The following GSK3B variants were observed in gnomAD, a reference collection of about 807,000 sequenced individuals.
The protein encoded by GSK3B is glycogen synthase kinase 3 beta.
GSK3B carries 15 observed loss-of-function variants against 56.4 expected under a neutral mutation model. The observed-to-expected ratio is 0.27, with a 90% CI of 0.18 to 0.41. The LOEUF is 0.41. GSK3B is among the 10% of genes least tolerant of loss of function. GSK3B has a pLI of 1.00. For synonymous variants in GSK3B, 181 were observed against 188.9 expected (o/e 0.96, Z 0.34); for missense variants, 300 against 513.4 (o/e 0.58, Z 4.02).
chr3:120,008,713 T>C (rs559155131), intron 1 of GSK3B, among the ~76,000 whole-genome samples: 1 of 152,276 alleles, frequency 6.6e-6, no homozygotes, highest in South Asian at 2.1e-4. Flanking sequence ...CAACTCAAGA[T>C]GGATCAAAGA....
At chr3:120,051,789 A>C (rs1483019611) in intron 1 of GSK3B, among the ~76,000 whole-genome samples, 2 of 151,570 alleles carry the variant, frequency 1.3e-5, no homozygotes, top group African/African-American at 4.8e-5. Flanking sequence ...AAAAGATATG[A>C]GTAATTTGGT....
intron 7 of GSK3B, among the ~76,000 whole-genome samples, chr3:119,888,292 A>G (rs1271108803): frequency 6.6e-6 from 1 of 152,184 alleles, no homozygotes. Flanking sequence ...GAGCCACGGC[A>G]GAGGAACATA....
intron 10 of GSK3B, among the ~76,000 whole-genome samples, chr3:119,829,096 T>C (rs2055561439): frequency 6.6e-6 from 1 of 152,246 alleles, no homozygotes; most frequent in African/African-American, 2.4e-5. Context: ...TCGTGACTCC[T>C]GACCTTCCTT....
chr3:119,833,372 T>C (rs1431245501), intron 10 of GSK3B, among the ~76,000 whole-genome samples: 1 of 152,162 alleles, frequency 6.6e-6, no homozygotes, highest in Non-Finnish European at 1.5e-5. Flanking sequence ...TGTGTGTCTA[T>C]AAAAAATTAA....
chr3:120,021,158 C>G (rs926155714), intron 1 of GSK3B, among the ~76,000 whole-genome samples: 1 of 152,078 alleles, frequency 6.6e-6, no homozygotes, highest in Non-Finnish European at 1.5e-5. Flanking sequence ...GAAGATTTAG[C>G]TAAGACCACT....
intron 3 of GSK3B, among the ~76,000 whole-genome samples, chr3:119,944,634 C>A (rs1252476266): frequency 6.6e-6 from 1 of 152,108 alleles, no homozygotes; most frequent in Non-Finnish European, 1.5e-5. Context: ...TGGCTACACG[C>A]CCTCTTTATC....
At chr3:120,077,480 G>T (rs1192266380) in intron 1 of GSK3B, among the ~76,000 whole-genome samples, 1 of 152,206 alleles carries the variant, frequency 6.6e-6, no homozygotes, top group East Asian at 1.9e-4. Context: ...GTTAGCAGAG[G>T]TTGAGCAGGG....
At chr3:119,945,555 T>C (rs1414558059) in intron 3 of GSK3B, among the ~76,000 whole-genome samples, 1 of 152,182 alleles carries the variant, frequency 6.6e-6, no homozygotes, top group Non-Finnish European at 1.5e-5. Context: ...AAGAGCTGAC[T>C]ATGACAGGAG....
intron 7 of GSK3B, among the ~76,000 whole-genome samples, chr3:119,887,231 A>G (rs16830594): frequency 0.11 from 16,617 of 152,148 alleles, 1,191 homozygotes; most frequent in East Asian, 0.34. Flanking sequence ...TTCTGCATCT[A>G]GCTGTGATGA....
chr3:119,943,181 C>T (rs1331190368), intron 3 of GSK3B, among the ~76,000 whole-genome samples: 1 of 152,162 alleles, frequency 6.6e-6, no homozygotes, highest in African/African-American at 2.4e-5. Context: ...CCAAAATAGA[C>T]ATATCATTCA....
chr3:119,966,995 C>T (rs940887401), intron 2 of GSK3B, among the ~76,000 whole-genome samples: 2 of 152,036 alleles, frequency 1.3e-5, no homozygotes, highest in South Asian at 2.1e-4. Context: ...AATCTATAAT[C>T]ATGGATTGGA....
intron 9 of GSK3B, among the ~76,000 whole-genome samples, chr3:119,857,966 C>CACTT (rs146888713): frequency 0.03 from 4,605 of 152,288 alleles, 100 homozygotes; most frequent in Middle Eastern, 0.048. Context: ...TGTCATTAAG[C>CACTT]AGTAACATTT....
Position 119,821,579 on chromosome 3 carries a change from T to A in GSK3B, c.*5209A>T, listed in dbSNP as rs1345560158. 1 of 152,198 alleles carries A rather than the reference T, an allele frequency of 6.6e-6. No homozygotes were observed. Among genetic ancestry groups the A allele is most frequent in the African/African-American group, 2.4e-5 (1 of 41,450 alleles). The allele number at this position is 152,198 out of a possible 1,614,324, so 9.4% of individuals were successfully genotyped here. A position where few individuals can be genotyped will look rare whatever the true frequency, so the allele number is the denominator to read the frequency against. On this transcript the variant is annotated 3_prime_UTR_variant, in exon 11 of 11. Transcript: ENST00000264235. ...AGAGACCCCCAAAGACCATTACTAA[T>A]AGGATGAAAGTTAAAAGAAAATACA...
intron 9 of GSK3B, among the ~76,000 whole-genome samples, chr3:119,859,184 T>TAA (rs3031797): frequency 0.46 from 65,659 of 143,252 alleles, 18,045 homozygotes; most frequent in Non-Finnish European, 0.6. Context: ...TTTGTGTATA[T>TAA]AAAAAAAAAA....
At chr3:119,929,962 T>C (rs1438515185) in intron 3 of GSK3B, among the ~76,000 whole-genome samples, 1 of 150,902 alleles carries the variant, frequency 6.6e-6, no homozygotes, top group Admixed American at 6.6e-5. Flanking sequence ...ACGCCTGTGG[T>C]CACAGCGACT....
chr3:119,850,339 T>C (rs1245927385), intron 9 of GSK3B, among the ~76,000 whole-genome samples: 1 of 152,028 alleles, frequency 6.6e-6, no homozygotes, highest in African/African-American at 2.4e-5. Context: ...TCCTTCCAAC[T>C]TCTACACCCC....
At chr3:120,007,559 C>T (rs1436697608) in intron 1 of GSK3B, among the ~76,000 whole-genome samples, 2 of 152,156 alleles carry the variant, frequency 1.3e-5, no homozygotes, top group Non-Finnish European at 2.9e-5. Context: ...CATCAAAAAG[C>T]TTATCCACCA....
chr3:119,937,515 C>T (rs1317847259), intron 3 of GSK3B, among the ~76,000 whole-genome samples: 1 of 152,060 alleles, frequency 6.6e-6, no homozygotes, highest in African/African-American at 2.4e-5. Context: ...AATTACTTGG[C>T]CTCAGGTATT....
At chr3:120,086,292 G>C (rs1338968346) in intron 1 of GSK3B, among the ~76,000 whole-genome samples, 1 of 151,968 alleles carries the variant, frequency 6.6e-6, no homozygotes, top group Non-Finnish European at 1.5e-5. Flanking sequence ...GGAAGAAAGA[G>C]TTGGAAACAA....
Sources: allele counts gnomAD v4.1 joint callset (sites outside exome capture counted in the v4.1 genomes callset), GRCh38; gene constraint gnomAD v4.1.1; transcripts MANE v1.5; gene names NCBI Gene and HGNC (gene_info 2026-07-23, HGNC 2026-07-21).